PRKCA: variants seen among roughly 807,000 people sequenced by gnomAD.
PRKCA encodes the protein protein kinase C alpha type.
In PRKCA, 27 loss-of-function variants were observed where a neutral mutation model predicts 87.0. The observed-to-expected ratio is 0.31, with a 90% CI of 0.23 to 0.43. The LOEUF (loss-of-function observed/expected upper bound fraction) is 0.43, where lower values mean the gene tolerates loss of function less well. Among genes scored for constraint, PRKCA ranks in the 20% least tolerant of loss-of-function variants. The pLI, the probability that PRKCA is intolerant of heterozygous loss-of-function variation, is 1.00. For missense variants in PRKCA, 518 were observed against 852.3 expected (o/e 0.61, Z 4.88); for synonymous variants, 329 against 311.1 (o/e 1.06, Z -0.61).
At chr17:66,648,586 A>G (rs59210125) in intron 5 of PRKCA, among the ~76,000 whole-genome samples, 7,798 of 152,296 alleles carry the variant, frequency 0.051, 674 homozygotes, top group African/African-American at 0.18. Flanking sequence ...AAGTACAGTT[A>G]TGTGTGTGAA....
intron 3 of PRKCA, 33 bp from the exon 4 acceptor site, chr17:66,641,322 C>T (rs772516406): frequency 6.5e-7 from 1 of 1,538,422 alleles, no homozygotes; most frequent in Non-Finnish European, 9.0e-7. Context: ...CCTTTCATGA[C>T]TAAAATGAGC....
At chr17:66,442,911 C>G (rs757619186) in intron 2 of PRKCA, among the ~76,000 whole-genome samples, 2 of 152,148 alleles carry the variant, frequency 1.3e-5, no homozygotes, top group Non-Finnish European at 2.9e-5. Context: ...GCCTCAGAGC[C>G]GGTAACTGTT....
intron 14 of PRKCA, chr17:66,774,687 G>A (rs61762764): frequency 0.083 from 81,917 of 986,402 alleles, 3,675 homozygotes; most frequent in African/African-American, 0.15. Context: ...TAAAACTGGG[G>A]TTGGGTTATA....
At chr17:66,611,350 TC>T (rs1970358769) in intron 3 of PRKCA, among the ~76,000 whole-genome samples, 1 of 152,196 alleles carries the variant, frequency 6.6e-6, no homozygotes, top group African/African-American at 2.4e-5. Context: ...ATCTCCCTTT[TC>T]CCCATTATCC....
intron 8 of PRKCA, among the ~76,000 whole-genome samples, chr17:66,724,882 T>C (rs1973704885): frequency 1.3e-5 from 2 of 152,184 alleles, no homozygotes; most frequent in South Asian, 4.1e-4. Context: ...GAAGGGCAGG[T>C]CTCTTAATTC....
At chr17:66,656,541 A>T (rs1442913542) in intron 5 of PRKCA, among the ~76,000 whole-genome samples, 1 of 145,568 alleles carries the variant, frequency 6.9e-6, no homozygotes, top group Non-Finnish European at 1.5e-5. Flanking sequence ...ATCTTCTGGA[A>T]AGTAAATGTG....
chr17:66,727,751 G>A (rs973311609), intron 8 of PRKCA, among the ~76,000 whole-genome samples: 1 of 152,174 alleles, frequency 6.6e-6, no homozygotes, highest in Admixed American at 6.5e-5. Flanking sequence ...GGCTAGGGAT[G>A]GGGGAGAAAC....
rs1055309206 is a variant in PRKCA, at chr17:66,810,075, C to G, written c.*6038C>G. ...TTACCACTTACGCGAGTAGACAGAA[C>G]TCGGCTTTTCAGAAAATAGGTGTCA... On this transcript the variant is annotated 3_prime_UTR_variant, in exon 17 of 17. Transcript: ENST00000413366. 6.6e-6 allele frequency: 1 copy of G among 152,222 alleles called. No individual in the cohort carries two copies. Among genetic ancestry groups the G allele is most frequent in the Admixed American group, 6.5e-5 (1 of 15,280 alleles). 9.4% of individuals were successfully genotyped at this position (152,222 alleles called of 1,614,324 possible).
intron 13 of PRKCA, among the ~76,000 whole-genome samples, chr17:66,743,283 T>C (rs925710846): frequency 6.6e-6 from 1 of 152,148 alleles, no homozygotes; most frequent in African/African-American, 2.4e-5. Context: ...GCTGAGATCA[T>C]GCCATTGCAC....
intron 3 of PRKCA, chr17:66,639,521 G>A (rs1971234771): frequency 6.6e-6 from 1 of 152,056 alleles, no homozygotes; most frequent in African/African-American, 2.4e-5. Flanking sequence ...TCAAGTAGCT[G>A]GGATTACAGG....
At chr17:66,579,844 G>T (rs1405847153) in intron 3 of PRKCA, among the ~76,000 whole-genome samples, 1 of 152,094 alleles carries the variant, frequency 6.6e-6, no homozygotes, top group Non-Finnish European at 1.5e-5. Context: ...AGGGAAGGAG[G>T]CAGAGAGAGG....
At chr17:66,715,753 G>A (rs929066808) in intron 8 of PRKCA, among the ~76,000 whole-genome samples, 6 of 151,872 alleles carry the variant, frequency 4.0e-5, no homozygotes, top group East Asian at 1.9e-4. Context: ...TTGCATCTGC[G>A]TAGATACAAT....
intron 2 of PRKCA, among the ~76,000 whole-genome samples, chr17:66,341,957 T>TA (rs1194033011): frequency 4.4e-4 from 67 of 152,190 alleles, no homozygotes; most frequent in African/African-American, 1.6e-3. Context: ...GAGTCATAGA[T>TA]ATAAGTGGTT....
intron 2 of PRKCA, among the ~76,000 whole-genome samples, chr17:66,346,096 C>CT (rs1166100613): frequency 3.3e-3 from 441 of 133,246 alleles, no homozygotes; most frequent in African/African-American, 4.5e-3. Flanking sequence ...TCTTTTTTTG[C>CT]TTTTTTTTTT....
intron 3 of PRKCA, among the ~76,000 whole-genome samples, chr17:66,515,868 G>T (rs1164728025): frequency 6.6e-6 from 1 of 151,922 alleles, no homozygotes; most frequent in African/African-American, 2.4e-5. Context: ...TTTGTTTTTT[G>T]TTTTTCTTAA....
intron 3 of PRKCA, among the ~76,000 whole-genome samples, chr17:66,509,046 C>T (rs1917100705): frequency 6.6e-6 from 1 of 151,978 alleles, no homozygotes; most frequent in Non-Finnish European, 1.5e-5. Flanking sequence ...GAAGGAACAC[C>T]TCAGTGTACA....
chr17:66,371,800 T>A (rs1231681309), intron 2 of PRKCA, among the ~76,000 whole-genome samples: 1 of 152,232 alleles, frequency 6.6e-6, no homozygotes, highest in African/African-American at 2.4e-5. Flanking sequence ...CTGGCAATAT[T>A]GCCTAAAATC....
chr17:66,476,985 G>T (rs1915561987), intron 2 of PRKCA, among the ~76,000 whole-genome samples: 1 of 152,144 alleles, frequency 6.6e-6, no homozygotes, highest in African/African-American at 2.4e-5. Flanking sequence ...CCATTTTAGA[G>T]TCGGAAACAG....
At position 66,789,009 on chromosome 17, in the gene PRKCA, A is replaced by G. The variant is rs780684477; in HGVS notation, c.1854+30A>G. 1.9e-6 allele frequency: 3 copies of G among 1,613,430 alleles called. No individual in the cohort carries two copies. The East Asian group carries it at 6.7e-5, about 36-fold the overall frequency. ...GTCCAGAAAAGCAGCCTGTTTTCGGAACCCCATGTCCCCAAATTCTGGGAG... is the reference window on the plus strand; with the variant it reads ...GTCCAGAAAAGCAGCCTGTTTTCGGGACCCCATGTCCCCAAATTCTGGGAG... On this transcript the variant is annotated intron_variant, in intron 16 of 16. Transcript: ENST00000413366.
Sources: allele counts gnomAD v4.1 joint callset (sites outside exome capture counted in the v4.1 genomes callset), GRCh38; gene constraint gnomAD v4.1.1; transcripts MANE v1.5; gene names NCBI Gene and HGNC (gene_info 2026-07-23, HGNC 2026-07-21).